Variants in NRXN1 observed in about 807,000 individuals in gnomAD.
NRXN1 encodes neurexin-1.
A neutral mutation model predicts 150.9 loss-of-function variants in NRXN1; 39 were observed. The observed-to-expected ratio is 0.26, with a 90% CI of 0.20 to 0.34. The LOEUF (loss-of-function observed/expected upper bound fraction) is 0.34. NRXN1 is among the 10% of genes least tolerant of loss of function. The pLI, the probability that NRXN1 is intolerant of heterozygous loss-of-function variation, is 1.00. For synonymous variants in NRXN1, 924 were observed against 757.0 expected (o/e 1.22, Z -3.62); for missense variants, 1,815 against 1,949.9 (o/e 0.93, Z 1.30).
intron 5 of NRXN1, among the ~76,000 whole-genome samples, chr2:50,865,148 A>C (rs1458859230): frequency 6.6e-6 from 1 of 151,934 alleles, no homozygotes; most frequent in African/African-American, 2.4e-5. Context: ...GAGCAATTGT[A>C]GTTCTAGGGT....
At chr2:50,340,072 G>A (rs747873688) in intron 17 of NRXN1, among the ~76,000 whole-genome samples, 7 of 152,098 alleles carry the variant, frequency 4.6e-5, no homozygotes, top group Non-Finnish European at 8.8e-5. Context: ...ATATTAATTA[G>A]GTGAACCTGA....
At chr2:50,400,676 A>AAAATC (rs2082334724) in intron 17 of NRXN1, among the ~76,000 whole-genome samples, 1 of 152,192 alleles carries the variant, frequency 6.6e-6, no homozygotes, top group Non-Finnish European at 1.5e-5. Context: ...TGGACAAGTA[A>AAAATC]GGTTCTGCTC....
chr2:50,612,709 G>C (rs751661742), intron 8 of NRXN1, among the ~76,000 whole-genome samples: 23 of 152,242 alleles, frequency 1.5e-4, no homozygotes, highest in Admixed American at 3.3e-4. Flanking sequence ...ATGCCATGGG[G>C]GTTTGTTTGA....
intron 19 of NRXN1, among the ~76,000 whole-genome samples, chr2:50,069,814 C>G (rs1308400762): frequency 6.6e-6 from 1 of 150,638 alleles, no homozygotes; most frequent in Non-Finnish European, 1.5e-5. Context: ...AGGAGGAAGG[C>G]AGACATAGGT....
At chr2:50,053,029 A>T (rs1419216291) in intron 21 of NRXN1, among the ~76,000 whole-genome samples, 4 of 152,136 alleles carry the variant, frequency 2.6e-5, no homozygotes, top group Non-Finnish European at 4.4e-5. Flanking sequence ...TGGAATCAAG[A>T]CTATCATTTA....
At chr2:50,229,384 T>C (rs2064725153) in intron 18 of NRXN1, among the ~76,000 whole-genome samples, 1 of 151,994 alleles carries the variant, frequency 6.6e-6, no homozygotes, top group Non-Finnish European at 1.5e-5. Flanking sequence ...AAATGACCCA[T>C]ATTCAGTATG....
At position 50,571,990 on chromosome 2, in the gene NRXN1, T is replaced by C. The variant is rs1000090785; in HGVS notation, c.1321-18965A>G. ...TCTCGATTTTTGGCAGGGTACTCTA[T>C]CAGTCAAGGCCTAGGAGTAGATGTG... On this transcript the variant is annotated intron_variant, in intron 8 of 22. Coordinates refer to ENST00000401669, the MANE Select transcript of NRXN1 (RefSeq NM_001330078.2). Among the ~76,000 whole-genome samples the C allele has an allele frequency of 2.6e-5, 4 of 152,030 alleles. No individual in the cohort carries two copies. In the South Asian group the frequency reaches 8.3e-4, roughly 31 times the overall value.
chr2:50,197,014 G>A (rs1212253166), intron 18 of NRXN1, among the ~76,000 whole-genome samples: 1 of 152,116 alleles, frequency 6.6e-6, no homozygotes, highest in Non-Finnish European at 1.5e-5. Flanking sequence ...CATGGCTTGA[G>A]CTTACCTATG....
At chr2:50,116,063 T>G (rs1331070240) in intron 18 of NRXN1, among the ~76,000 whole-genome samples, 1 of 152,098 alleles carries the variant, frequency 6.6e-6, no homozygotes, top group Non-Finnish European at 1.5e-5. Flanking sequence ...CTCGACCTCT[T>G]TTTTTAATTG....
chr2:49,930,278 T>TA (rs1669889242), intron 22 of NRXN1, among the ~76,000 whole-genome samples: 1 of 152,138 alleles, frequency 6.6e-6, no homozygotes, highest in Non-Finnish European at 1.5e-5. Flanking sequence ...ATAACAATTT[T>TA]ATGTGGCAAA....
rs80157925 is a variant in NRXN1, at chr2:50,001,175, C to A, written c.4128+52096G>T. On this transcript the variant is annotated intron_variant, in intron 21 of 22. Coordinates refer to ENST00000401669, the MANE Select transcript of NRXN1 (RefSeq NM_001330078.2). ...AAAGCATGGCTGAGCTATTTAACAT[C>A]TCTAATTTCAGATTTCAGTGTCCTT... 9.5e-4 allele frequency among the ~76,000 whole-genome samples: 145 copies of A among 152,222 alleles called. 3 individuals are homozygous for A. The East Asian group carries it at 0.026, about 27-fold the overall frequency.
At chr2:50,915,382 C>T (rs1055329926) in intron 5 of NRXN1, among the ~76,000 whole-genome samples, 4 of 151,550 alleles carry the variant, frequency 2.6e-5, no homozygotes, top group African/African-American at 9.7e-5. Context: ...ATGTCTATCT[C>T]CCTGCCTCCT....
At chr2:50,373,650 G>GAAAA (rs1472076620) in intron 17 of NRXN1, among the ~76,000 whole-genome samples, 1 of 95,760 alleles carries the variant, frequency 1.0e-5, no homozygotes, top group African/African-American at 4.1e-5. Flanking sequence ...AAGAAAGAAA[G>GAAAA]AAAGAAAGAA....
At chr2:50,450,985 T>G (rs542824728) in intron 17 of NRXN1, among the ~76,000 whole-genome samples, 10 of 152,266 alleles carry the variant, frequency 6.6e-5, no homozygotes, top group Non-Finnish European at 1.0e-4. Flanking sequence ...TTCACAATAT[T>G]TTGTTGTCGT....
chr2:51,002,849 A>T (rs907469616), intron 2 of NRXN1, among the ~76,000 whole-genome samples: 1 of 151,954 alleles, frequency 6.6e-6, no homozygotes, highest in Non-Finnish European at 1.5e-5. Context: ...TTCATCTCTA[A>T]TAAGAAGTGG....
At chr2:49,984,525 G>A (rs1250537212) in intron 21 of NRXN1, among the ~76,000 whole-genome samples, 1 of 152,044 alleles carries the variant, frequency 6.6e-6, no homozygotes, top group Non-Finnish European at 1.5e-5. Flanking sequence ...TGAAGTGAGT[G>A]GCCAGTGAAG....
rs189047327 is a variant in NRXN1, at chr2:50,087,479, G to C, written c.3718+3844C>G. On this transcript the variant is annotated intron_variant, in intron 19 of 22. Coordinates refer to ENST00000401669, the MANE Select transcript of NRXN1 (RefSeq NM_001330078.2). Reference sequence around the variant, plus strand: ...GGTAAGCAAGATGATGTTAGGCTTTGTGAATTAATGTTATGAGAAAGAAAG... The same window carrying C: ...GGTAAGCAAGATGATGTTAGGCTTTCTGAATTAATGTTATGAGAAAGAAAG... Among the ~76,000 whole-genome samples, 13 of 152,192 alleles carry C rather than the reference G, an allele frequency of 8.5e-5. 1 individual carries two copies. Among genetic ancestry groups the C allele is most frequent in the Admixed American group, 7.2e-4 (11 of 15,296 alleles).
chr2:50,816,187 T>C (rs1036129456), intron 5 of NRXN1, among the ~76,000 whole-genome samples: 1 of 152,202 alleles, frequency 6.6e-6, no homozygotes, highest in Non-Finnish European at 1.5e-5. Flanking sequence ...CAAAGTCATA[T>C]TAGAAAATAT....
At chr2:50,318,925 C>T (rs1363033920) in intron 17 of NRXN1, among the ~76,000 whole-genome samples, 1 of 152,108 alleles carries the variant, frequency 6.6e-6, no homozygotes, top group Non-Finnish European at 1.5e-5. Flanking sequence ...AGTAGACACA[C>T]ATGAATTATA....
Sources: gnomAD v4.1 joint callset for allele counts (sites outside exome capture counted in the v4.1 genomes callset) on GRCh38, gnomAD v4.1.1 for gene constraint, MANE v1.5 for transcripts, NCBI Gene and HGNC (gene_info 2026-07-23, HGNC 2026-07-21) for gene names.